Variants in LIMK2 observed in about 807,000 individuals in gnomAD.
The protein encoded by LIMK2 is LIM domain kinase 2.
Under a neutral mutation model 75.7 loss-of-function variants are expected in LIMK2, and 35 were observed. The ratio of observed to expected loss-of-function variants is 0.46; its 90% CI spans 0.35 to 0.61. The LOEUF (loss-of-function observed/expected upper bound fraction) is 0.61. Among genes scored for constraint, LIMK2 ranks in the 20% least tolerant of loss-of-function variants. The probability of loss-of-function intolerance (pLI) is 0.00; values close to 1 mark genes in which losing one functional copy is unlikely to be tolerated. For synonymous variants in LIMK2, 301 were observed against 319.2 expected, an observed-to-expected ratio of 0.94 and a Z score of 0.61; for missense variants, 623 against 831.0, an observed-to-expected ratio of 0.75 and a Z score of 3.08.
At chr22:31,271,392 T>C (rs1036618124) in intron 12 of LIMK2, among the ~76,000 whole-genome samples, 191 bp downstream of exon 12, 4 of 152,152 alleles carry the variant, frequency 2.6e-5, no homozygotes, top group Admixed American at 2.0e-4. Flanking sequence ...ACAGACATAA[T>C]TTCACCTTCT....
intron 2 of LIMK2, chr22:31,248,440 G>T (rs1225475553): frequency 1.4e-6 from 2 of 1,459,476 alleles, no homozygotes; most frequent in East Asian, 5.9e-5. Context: ...CCACAGAGAG[G>T]TCGTTTTCTC....
chr22:31,236,608 C>CAAAA (rs929179978), intron 2 of LIMK2, among the ~76,000 whole-genome samples: 2 of 91,050 alleles, frequency 2.2e-5, no homozygotes, highest in African/African-American at 7.9e-5. Context: ...GACCCTATCT[C>CAAAA]AAAAAAAAAA....
In LIMK2 at chr22:31,265,936, T is replaced by G; in HGVS notation, c.855-10T>G. 1.2e-6 allele frequency: 2 copies of G among 1,613,482 alleles called. No homozygotes were observed. Among genetic ancestry groups the G allele is most frequent in the Non-Finnish European group, 1.7e-6 (2 of 1,179,504 alleles). ...TACACATCCCTACTCCCGTCTTTCCTCATCTTCAGGCGCAGTAACAGTATC... is the reference window on the plus strand; with the variant it reads ...TACACATCCCTACTCCCGTCTTTCCGCATCTTCAGGCGCAGTAACAGTATC... On this transcript the variant is annotated splice_polypyrimidine_tract_variant and intron_variant, in intron 7 of 15. Transcript: ENST00000331728.
intron 8 of LIMK2, among the ~76,000 whole-genome samples, 197 bp downstream of exon 8, chr22:31,266,329 C>G (rs981637677): frequency 2.6e-5 from 4 of 152,146 alleles, no homozygotes; most frequent in Non-Finnish European, 5.9e-5. Flanking sequence ...TTACAGTGAG[C>G]TTGTGGACCT....
At chr22:31,243,009 G>T (rs1356627433) in intron 2 of LIMK2, among the ~76,000 whole-genome samples, 1 of 152,174 alleles carries the variant, frequency 6.6e-6, no homozygotes, top group Non-Finnish European at 1.5e-5. Context: ...CGCAACCTCC[G>T]CCTCCCGGGT....
intron 2 of LIMK2, among the ~76,000 whole-genome samples, chr22:31,255,301 G>A (rs1276874989): frequency 6.6e-6 from 1 of 152,186 alleles, no homozygotes. Flanking sequence ...TGAGAGGAGT[G>A]TGAGCCACAT....
At chr22:31,227,263 T>C (rs1255885977) in intron 2 of LIMK2, among the ~76,000 whole-genome samples, 5 of 152,264 alleles carry the variant, frequency 3.3e-5, no homozygotes, top group Non-Finnish European at 7.3e-5. Flanking sequence ...GCTGTGCCTA[T>C]ATCCTGAGAA....
Position 31,253,785 on chromosome 22 carries a change from G to A in LIMK2, c.117-4506G>A, listed in dbSNP as rs557435348. ...GTAAAACAGGGATAATCCTGCTACC[G>A]TAGGGTTGTCAGGATTAGAGATAAT... On this transcript the variant is annotated intron_variant, in intron 2 of 15. Coordinates refer to ENST00000331728, the MANE Select transcript of LIMK2 (RefSeq NM_005569.4). Among the ~76,000 whole-genome samples the A allele has an allele frequency of 1.3e-4, 20 of 152,328 alleles. No individual in the cohort carries two copies. In the South Asian group the frequency reaches 3.1e-3, roughly 24 times the overall value.
At chr22:31,223,988 T>G (rs2048458357) in intron 1 of LIMK2, among the ~76,000 whole-genome samples, 1 of 152,188 alleles carries the variant, frequency 6.6e-6, no homozygotes, top group Non-Finnish European at 1.5e-5. Context: ...GGAGCTGTGC[T>G]TTGTCTATTC....
intron 2 of LIMK2, among the ~76,000 whole-genome samples, chr22:31,234,333 A>C (rs1601409092): frequency 6.6e-6 from 1 of 150,996 alleles, no homozygotes; most frequent in East Asian, 2.0e-4. Context: ...TCTTAAAAAA[A>C]AAAAAAACAA....
At position 31,279,040 on chromosome 22, in the gene LIMK2, G is replaced by T. The variant is rs946777028; in HGVS notation, c.*599G>T. 1.3e-5 allele frequency: 2 copies of T among 152,258 alleles called. No individual in the cohort carries two copies. Among genetic ancestry groups the T allele is most frequent in the Non-Finnish European group, 2.9e-5 (2 of 68,052 alleles). The allele number at this position is 152,258 out of a possible 1,614,324, so 9.4% of individuals were successfully genotyped here. On this transcript the variant is annotated 3_prime_UTR_variant, in exon 16 of 16. Coordinates refer to ENST00000331728, the MANE Select transcript of LIMK2 (RefSeq NM_005569.4). ...TGGAACAGGCCAGGAGTTAGAGAAAGGGCTGGCTTCTGTTTACCTGCTCAC... is the reference window on the plus strand; with the variant it reads ...TGGAACAGGCCAGGAGTTAGAGAAATGGCTGGCTTCTGTTTACCTGCTCAC...
chr22:31,264,130 G>T (rs1170464011), intron 7 of LIMK2, among the ~76,000 whole-genome samples: 1 of 152,120 alleles, frequency 6.6e-6, no homozygotes, highest in African/African-American at 2.4e-5. Context: ...TCTTGGCCTT[G>T]GTCAGTATGA....
chr22:31,219,733 G>A (rs1029903242), intron 1 of LIMK2, among the ~76,000 whole-genome samples: 2 of 152,044 alleles, frequency 1.3e-5, no homozygotes, highest in African/African-American at 4.8e-5. Context: ...CACCATGCCC[G>A]GCTAATTTTT....
At chr22:31,232,712 C>T (rs1162526685) in intron 2 of LIMK2, among the ~76,000 whole-genome samples, 2 of 152,006 alleles carry the variant, frequency 1.3e-5, no homozygotes, top group African/African-American at 2.4e-5. Flanking sequence ...CAGGCTTAAA[C>T]AATCCTCCTG....
intron 7 of LIMK2, among the ~76,000 whole-genome samples, chr22:31,264,164 A>G (rs1360622328): frequency 3.3e-5 from 5 of 152,284 alleles, no homozygotes; most frequent in African/African-American, 1.2e-4. Flanking sequence ...AGGCAGGGCA[A>G]CAGAGGGCAG....
chr22:31,259,878 C>T lies in LIMK2; in HGVS notation c.363-11C>T. The T allele has an allele frequency of 6.3e-7, 1 of 1,599,734 alleles. No individual in the cohort carries two copies. The highest frequency in any genetic ancestry group is 8.5e-7 in the Non-Finnish European group (1 of 1,175,748). ...TCTAGCATCTTATTCCCCCCTGTGCCCTCTCCCCAGTGGGAAGTGCCACAA... is the reference window on the plus strand; with the variant it reads ...TCTAGCATCTTATTCCCCCCTGTGCTCTCTCCCCAGTGGGAAGTGCCACAA... On this transcript the variant is annotated splice_polypyrimidine_tract_variant and intron_variant, in intron 4 of 15. Coordinates refer to ENST00000331728, the MANE Select transcript of LIMK2 (RefSeq NM_005569.4).
chr22:31,254,155 G>A (rs1197601446), intron 2 of LIMK2, among the ~76,000 whole-genome samples: 1 of 152,226 alleles, frequency 6.6e-6, no homozygotes, highest in African/African-American at 2.4e-5. Flanking sequence ...TCTCCTGCAT[G>A]CCTGTACTTG....
chr22:31,276,643 C>A, intron 15 of LIMK2: 1 of 998,558 alleles, frequency 1.0e-6, no homozygotes, highest in Non-Finnish European at 1.2e-6. Context: ...ACGGAGGCGG[C>A]GGCACAAGGA....
intron 3 of LIMK2, 150 bp downstream of exon 3, chr22:31,258,576 T>C (rs961880056): frequency 2.3e-5 from 17 of 745,438 alleles, no homozygotes; most frequent in African/African-American, 1.2e-4. Context: ...CAGGTATCAA[T>C]TGAGCACCTA....
Sources: allele counts gnomAD v4.1 joint callset (sites outside exome capture counted in the v4.1 genomes callset), GRCh38; gene constraint gnomAD v4.1.1; transcripts MANE v1.5; gene names NCBI Gene and HGNC (gene_info 2026-07-23, HGNC 2026-07-21).